The following RIGI variants were observed in gnomAD, a reference collection of about 807,000 sequenced individuals.
The protein encoded by RIGI is RNA sensor RIG-I.
At chr9:32,463,812 G>A in the RIGI span, among the ~76,000 whole-genome samples, 1 of 151,114 alleles carries the variant, frequency 6.6e-6, no homozygotes, top group Non-Finnish European at 1.5e-5. Flanking sequence ...TCTTTGTTCA[G>A]AATGAACTTT....
the RIGI span, among the ~76,000 whole-genome samples, chr9:32,486,545 G>A: frequency 6.6e-6 from 1 of 151,212 alleles, no homozygotes; most frequent in South Asian, 2.1e-4. Context: ...AGTCAGAGTT[G>A]TAGAATAAAT....
the RIGI span, among the ~76,000 whole-genome samples, chr9:32,523,710 C>T: frequency 6.6e-6 from 1 of 152,186 alleles, no homozygotes; most frequent in African/African-American, 2.4e-5. Flanking sequence ...TTGCATCTGC[C>T]ATTCTCTCTC....
the RIGI span, among the ~76,000 whole-genome samples, chr9:32,509,236 G>C: frequency 6.6e-6 from 1 of 152,236 alleles, no homozygotes; most frequent in East Asian, 1.9e-4. Context: ...TCCCAGCACA[G>C]TGCTTGAGCT....
chr9:32,497,077 T>C, the RIGI span, among the ~76,000 whole-genome samples: 1,240 of 152,290 alleles, frequency 8.1e-3, 16 homozygotes, highest in African/African-American at 0.029. Flanking sequence ...TTTCTATTTC[T>C]ACAAAAAAAA....
chr9:32,490,399 A>G, the RIGI span, among the ~76,000 whole-genome samples: 2 of 152,092 alleles, frequency 1.3e-5, no homozygotes, highest in Non-Finnish European at 2.9e-5. Context: ...CAACAACAAA[A>G]GGCATGCAAG....
chr9:32,504,783 TAAAATATATTTAATACATAA>T, the RIGI span, among the ~76,000 whole-genome samples: 3 of 137,140 alleles, frequency 2.2e-5, no homozygotes, highest in East Asian at 4.6e-4. Context: ...ATAAAATATA[TAAAATATATTTAATACATAA>T]AATATATAAA....
the RIGI span, chr9:32,485,215 C>T: frequency 3.0e-4 from 479 of 1,609,886 alleles, 12 homozygotes; most frequent in South Asian, 5.0e-3. Context: ...TCTCTGTGTC[C>T]CTCATCAGCT....
chr9:32,521,730 G>GT, the RIGI span, among the ~76,000 whole-genome samples: 1 of 150,656 alleles, frequency 6.6e-6, no homozygotes, highest in African/African-American at 2.5e-5. Flanking sequence ...GGTTATATTT[G>GT]TATAGATGTG....
chr9:32,477,166 A>C, the RIGI span: 3 of 1,606,774 alleles, frequency 1.9e-6, no homozygotes, highest in African/African-American at 4.0e-5. Flanking sequence ...ATGGCTTATA[A>C]ATTCTAAAAA....
the RIGI span, chr9:32,466,252 A>G: frequency 6.2e-7 from 1 of 1,606,042 alleles, no homozygotes; most frequent in Non-Finnish European, 8.5e-7. Flanking sequence ...CCTGATAGTT[A>G]TTTATGGTCA....
At chr9:32,485,046 A>T in the RIGI span, 1 of 637,972 alleles carries the variant, frequency 1.6e-6, no homozygotes, top group Non-Finnish European at 2.7e-6. Context: ...AATAACCTAT[A>T]ATCAAGGAAG....
the RIGI span, among the ~76,000 whole-genome samples, chr9:32,516,338 T>C: frequency 5.9e-5 from 9 of 152,190 alleles, no homozygotes; most frequent in African/African-American, 2.2e-4. Context: ...GCTTCTTCCC[T>C]GGCAATACTT....
chr9:32,487,673 G>A, the RIGI span: 1 of 1,600,182 alleles, frequency 6.2e-7, no homozygotes, highest in East Asian at 2.2e-5. Context: ...TCTGAGAAAT[G>A]GTACAATGTT....
At chr9:32,477,015 T>C in the RIGI span, 6 of 1,613,986 alleles carry the variant, frequency 3.7e-6, no homozygotes, top group East Asian at 4.5e-5. Context: ...ACAAAGAGAA[T>C]TGTTATTGTC....
chr9:32,512,027 C>A, the RIGI span, among the ~76,000 whole-genome samples: 1 of 152,132 alleles, frequency 6.6e-6, no homozygotes, highest in South Asian at 2.1e-4. Flanking sequence ...AAGACTAAAC[C>A]AGGAAGAAGT....
the RIGI span, among the ~76,000 whole-genome samples, chr9:32,457,858 C>G: frequency 6.6e-6 from 1 of 152,216 alleles, no homozygotes; most frequent in African/African-American, 2.4e-5. Flanking sequence ...AATGTGTCCA[C>G]AGGCCCCACC....
At chr9:32,508,104 C>CT in the RIGI span, among the ~76,000 whole-genome samples, 1 of 151,934 alleles carries the variant, frequency 6.6e-6, no homozygotes, top group African/African-American at 2.4e-5. Flanking sequence ...CTTTTTAAAA[C>CT]TACAGAAGCA....
chr9:32,512,782 C>T, the RIGI span, among the ~76,000 whole-genome samples: 1 of 152,144 alleles, frequency 6.6e-6, no homozygotes, highest in African/African-American at 2.4e-5. Flanking sequence ...GTCCAATTGT[C>T]CCTGTTGGCA....
At chr9:32,485,333 G>A in the RIGI span, 1 of 1,277,104 alleles carries the variant, frequency 7.8e-7, no homozygotes, top group South Asian at 1.3e-5. Context: ...ATATTTTCAG[G>A]AAGGACAGAT....
Sources: allele counts gnomAD v4.1 joint callset (sites outside exome capture counted in the v4.1 genomes callset), GRCh38; gene constraint gnomAD v4.1.1; transcripts MANE v1.5; gene names NCBI Gene and HGNC (gene_info 2026-07-23, HGNC 2026-07-21).